The following HERC2 variants were observed in gnomAD, a reference collection of about 807,000 sequenced individuals.
The protein encoded by HERC2 is HECT and RLD domain containing E3 ubiquitin protein ligase 2.
In HERC2, 102 loss-of-function variants were observed where a neutral mutation model predicts 537.7. The ratio of observed to expected loss-of-function variants is 0.19; its 90% CI spans 0.16 to 0.22. HERC2 has a LOEUF of 0.22. HERC2 is among the 10% of genes least tolerant of loss of function. The pLI is 1.00. For missense variants in HERC2, 4,236 were observed against 6,198.2 expected, an observed-to-expected ratio of 0.68 and a Z score of 10.63; for synonymous variants, 2,224 against 2,466.2, an observed-to-expected ratio of 0.90 and a Z score of 2.91.
At chr15:28,209,851 C>T (rs1898943485) in intron 44 of HERC2, among the ~76,000 whole-genome samples, 1 of 147,486 alleles carries the variant, frequency 6.8e-6, no homozygotes. Flanking sequence ...GGATACACAA[C>T]ATAAGAATAG....
intron 66 of HERC2, among the ~76,000 whole-genome samples, chr15:28,169,272 A>G (rs552562272): frequency 6.6e-6 from 1 of 152,376 alleles, no homozygotes; most frequent in East Asian, 1.9e-4. Flanking sequence ...AAAATGTTCA[A>G]GTTAGTTTTC....
chr15:28,156,916 T>A (rs1893070660), intron 69 of HERC2, among the ~76,000 whole-genome samples: 1 of 152,234 alleles, frequency 6.6e-6, no homozygotes, highest in African/African-American at 2.4e-5. Context: ...TATTTTGAGA[T>A]ACATCCCAAC....
At chr15:28,198,298 C>T (rs1897545335) in intron 50 of HERC2, 80 bp downstream of exon 50, 4 of 1,471,966 alleles carry the variant, frequency 2.7e-6, no homozygotes, top group Non-Finnish European at 3.7e-6. Context: ...GTTTTGTGTG[C>T]TTGAACAAAA....
At chr15:28,223,927 T>C (rs945812871) in intron 35 of HERC2, among the ~76,000 whole-genome samples, 8 of 151,948 alleles carry the variant, frequency 5.3e-5, no homozygotes, top group Non-Finnish European at 8.8e-5. Flanking sequence ...TTGTTACTTA[T>C]TGGAACCTCT....
rs759015499 is a variant in HERC2, at chr15:28,141,736, C to A, written c.11811G>T (p.Met3937Ile). Reference sequence around the variant, plus strand: ...CTTGTTTCTAATATAATAACCTGTTCATCCACTGCACAAGTTGTTCGTCTT... The same window carrying A: ...CTTGTTTCTAATATAATAACCTGTTAATCCACTGCACAAGTTGTTCGTCTT... ...REQDEQLVQW[M>I]NRRPDDWTLS... Residue 3937 changes from methionine (M) to isoleucine (I), a missense_variant, in exon 77 of 93, where the codon ATG (methionine) becomes ATT (isoleucine). This residue lies in a region of HERC2 where 156 missense variants were observed against 172.3 expected (regional missense o/e 0.91). Transcript: ENST00000261609. 4 of 1,613,512 alleles carry A rather than the reference C, an allele frequency of 2.5e-6. No individual in the cohort carries two copies. The South Asian group carries it at 3.3e-5, about 13-fold the overall frequency.
At chr15:28,172,073 C>CAA (rs371110090) in intron 65 of HERC2, among the ~76,000 whole-genome samples, 3 of 55,056 alleles carry the variant, frequency 5.4e-5, no homozygotes, top group Non-Finnish European at 7.3e-5. Context: ...GACTCCGTCT[C>CAA]AAAAAAAAAA....
chr15:28,296,271 C>G (rs1319571044), intron 3 of HERC2, among the ~76,000 whole-genome samples: 11 of 152,044 alleles, frequency 7.2e-5, no homozygotes, highest in Non-Finnish European at 1.5e-4. Flanking sequence ...GTCAGGAGTT[C>G]AAGACCAGCC....
intron 69 of HERC2, among the ~76,000 whole-genome samples, chr15:28,158,584 G>A (rs1453621207): frequency 8.6e-5 from 13 of 151,932 alleles, no homozygotes; most frequent in Admixed American, 8.5e-4. Context: ...TTTTCCATTT[G>A]CTTGGTAGAT....
chr15:28,176,356 G>C lies in HERC2; in HGVS notation c.9686+72C>G. The C allele has an allele frequency of 6.9e-7, 1 of 1,452,568 alleles. No homozygotes were observed. The allele number at this position is 1,452,568 out of a possible 1,614,324, so 90.0% of individuals were successfully genotyped here. A position where few individuals can be genotyped will look rare whatever the true frequency, so the allele number is the denominator to read the frequency against. On this transcript the variant is annotated intron_variant, in intron 63 of 92. Coordinates refer to ENST00000261609, the MANE Select transcript of HERC2 (RefSeq NM_004667.6). This position sits in a 1 kb window ranked among gnomAD's most constrained non-coding sequence, Gnocchi z 5.0. ...CGTCACAATCACGCCGGGTGAGCCTGGGGCGAGGCCCAGGTTCCCTGCACA... is the reference window on the plus strand; with the variant it reads ...CGTCACAATCACGCCGGGTGAGCCTCGGGCGAGGCCCAGGTTCCCTGCACA...
chr15:28,164,666 T>A (rs1200144672), intron 68 of HERC2, among the ~76,000 whole-genome samples: 1 of 152,110 alleles, frequency 6.6e-6, no homozygotes, highest in Non-Finnish European at 1.5e-5. Flanking sequence ...AATACTAACA[T>A]TAAAATTGCT....
At chr15:28,292,588 G>C (rs1176223310) in intron 4 of HERC2, among the ~76,000 whole-genome samples, 1 of 152,036 alleles carries the variant, frequency 6.6e-6, no homozygotes, top group Non-Finnish European at 1.5e-5. Flanking sequence ...GTGTGAGGCA[G>C]GGAGATCCCT....
intron 89 of HERC2, chr15:28,115,198 G>C: frequency 1.9e-6 from 1 of 523,256 alleles, no homozygotes. Context: ...TCACAGGGGA[G>C]GCAGTGAGCT....
intron 68 of HERC2, among the ~76,000 whole-genome samples, chr15:28,163,538 TAAAGA>T (rs1399383960): frequency 2.0e-5 from 3 of 152,176 alleles, no homozygotes; most frequent in Non-Finnish European, 4.4e-5. Flanking sequence ...ACTTAAGCTA[TAAAGA>T]AATGACAATT....
At chr15:28,163,559 C>T (rs1893830576) in intron 68 of HERC2, among the ~76,000 whole-genome samples, 1 of 152,308 alleles carries the variant, frequency 6.6e-6, no homozygotes, top group South Asian at 2.1e-4. Flanking sequence ...CAATTTATTA[C>T]TGGGACCAAG....
intron 2 of HERC2, among the ~76,000 whole-genome samples, chr15:28,318,379 C>A (rs2077145815): frequency 6.6e-6 from 1 of 152,178 alleles, no homozygotes; most frequent in Non-Finnish European, 1.5e-5. Context: ...ATAATCCCAG[C>A]ACTTCCGGAG....
chr15:28,117,798 A>G, intron 86 of HERC2: 2 of 350,630 alleles, frequency 5.7e-6, no homozygotes, highest in South Asian at 2.2e-5. Flanking sequence ...CTAAAGGCTC[A>G]GGGGCCTCCA....
In HERC2 at chr15:28,182,397, G is replaced by A. The variant is rs538829323; in HGVS notation, c.8937+4C>T. 2.3e-4 allele frequency: 366 copies of A among 1,608,380 alleles called. 3 individuals carry two copies. The South Asian group carries it at 2.8e-3, about 12-fold the overall frequency. On this transcript the variant is annotated splice_donor_region_variant and intron_variant, in intron 57 of 92. Transcript: ENST00000261609. Reference sequence around the variant, plus strand: ...CCTGCTGGGTCCCAGGGAGCAGGCCGTACCTTGGAGCCTTTCAGCCCGCCC... The same window carrying A: ...CCTGCTGGGTCCCAGGGAGCAGGCCATACCTTGGAGCCTTTCAGCCCGCCC...
chr15:28,276,724 G>A (rs1302720671), intron 5 of HERC2, among the ~76,000 whole-genome samples: 3 of 150,544 alleles, frequency 2.0e-5, no homozygotes, highest in South Asian at 2.1e-4. Context: ...GCGACAAAGC[G>A]AGACTCTGTC....
intron 4 of HERC2, among the ~76,000 whole-genome samples, chr15:28,282,926 G>A (rs537241040): frequency 2.0e-5 from 3 of 150,212 alleles, no homozygotes; most frequent in East Asian, 2.0e-4. Flanking sequence ...GAGAGACTCC[G>A]AAGATGGGAA....
Sources: allele counts gnomAD v4.1 joint callset (sites outside exome capture counted in the v4.1 genomes callset), GRCh38; gene constraint gnomAD v4.1.1; regional missense constraint gnomAD v4.1.1; non-coding constraint Gnocchi (gnomAD v3.1); transcripts MANE v1.5; gene names NCBI Gene and HGNC (gene_info 2026-07-23, HGNC 2026-07-21).